The following COL25A1 variants were observed in gnomAD, a reference collection of about 807,000 sequenced individuals.
The protein encoded by COL25A1 is collagen type XXV alpha 1 chain, also known as collagen alpha-1(XXV) chain.
Under a neutral mutation model 128.4 loss-of-function variants are expected in COL25A1, and 103 were observed. That is an observed-to-expected ratio of 0.80 (90% CI 0.68 to 0.94). The LOEUF (loss-of-function observed/expected upper bound fraction) is 0.94. Ranked by LOEUF, COL25A1 falls within the 40% of genes least tolerant of loss-of-function variation. COL25A1 has a pLI of 0.00. For synonymous variants in COL25A1, 279 were observed against 277.2 expected, an observed-to-expected ratio of 1.01 and a Z score of -0.06; for missense variants, 745 against 840.0, an observed-to-expected ratio of 0.89 and a Z score of 1.40.
At chr4:109,212,482 T>A (rs1208181701) in intron 3 of COL25A1, among the ~76,000 whole-genome samples, 1 of 152,176 alleles carries the variant, frequency 6.6e-6, no homozygotes, top group Admixed American at 6.6e-5. Context: ...TGAATGCCTT[T>A]ATAGAAGTTA....
intron 5 of COL25A1, chr4:109,021,710 T>C (rs1297615774): frequency 8.8e-6 from 4 of 453,104 alleles, no homozygotes; most frequent in Non-Finnish European, 1.8e-5. Flanking sequence ...AGAAGAGATA[T>C]CACCAAATTC....
At chr4:109,230,524 T>G (rs1779096712) in intron 3 of COL25A1, among the ~76,000 whole-genome samples, 1 of 152,218 alleles carries the variant, frequency 6.6e-6, no homozygotes, top group African/African-American at 2.4e-5. Flanking sequence ...GTCACATGTG[T>G]TTAGCACTCT....
intron 16 of COL25A1, among the ~76,000 whole-genome samples, chr4:108,894,902 G>A (rs531272420): frequency 2.0e-5 from 3 of 152,170 alleles, no homozygotes; most frequent in Non-Finnish European, 4.4e-5. Flanking sequence ...ACTCAACTGT[G>A]GGTGGCTTTG....
At chr4:108,889,121 G>A (rs1361964187) in intron 18 of COL25A1, 100 bp downstream of exon 18, 21 of 1,098,700 alleles carry the variant, frequency 1.9e-5, no homozygotes, top group Admixed American at 1.6e-4. Flanking sequence ...CATGAAAACC[G>A]CATCATTTTG....
Position 108,933,684 on chromosome 4 carries a change from T to C in COL25A1, c.708+4124A>G, listed in dbSNP as rs76384240. Among the ~76,000 whole-genome samples, 996 of 152,314 alleles carry C rather than the reference T, an allele frequency of 6.5e-3. 73 individuals carry two copies. The East Asian group carries it at 0.14, about 22-fold the overall frequency. ...CCTTTGTGGTTCATAAAACATTTCA[T>C]ATTATCATTTCACTTGCTTCTCACC... On this transcript the variant is annotated intron_variant, in intron 11 of 37. Coordinates refer to ENST00000399132, the MANE Select transcript of COL25A1 (RefSeq NM_198721.4).
intron 3 of COL25A1, among the ~76,000 whole-genome samples, chr4:109,255,197 A>G (rs1185792162): frequency 6.6e-6 from 1 of 152,256 alleles, no homozygotes; most frequent in Non-Finnish European, 1.5e-5. Flanking sequence ...TTTATCAAAA[A>G]TTCTGAACTT....
intron 35 of COL25A1, among the ~76,000 whole-genome samples, chr4:108,822,552 G>T (rs1188749907): frequency 6.6e-6 from 1 of 151,994 alleles, no homozygotes; most frequent in African/African-American, 2.4e-5. Context: ...GAGTAGCTGG[G>T]ACTACAGGTA....
intron 3 of COL25A1, among the ~76,000 whole-genome samples, chr4:109,139,920 G>A (rs189812631): frequency 0.057 from 8,647 of 150,612 alleles, 404 homozygotes; most frequent in African/African-American, 0.13. Flanking sequence ...GAGAACATAT[G>A]GTGTTTGGTT....
At chr4:108,815,362 T>C (rs1297097551) in intron 37 of COL25A1, among the ~76,000 whole-genome samples, 1 of 128,756 alleles carries the variant, frequency 7.8e-6, no homozygotes, top group Non-Finnish European at 1.8e-5. Context: ...CTGACTTTAT[T>C]TTAAAAATAT....
chr4:109,213,159 A>G (rs1053362313), intron 3 of COL25A1, among the ~76,000 whole-genome samples: 1 of 152,176 alleles, frequency 6.6e-6, no homozygotes, highest in African/African-American at 2.4e-5. Context: ...AAATCATGGT[A>G]TCTATTGACT....
At chr4:108,819,467 G>T in intron 35 of COL25A1, 138 bp from the exon 36 acceptor site, 1 of 660,280 alleles carries the variant, frequency 1.5e-6, no homozygotes, top group Non-Finnish European at 2.5e-6. Flanking sequence ...AGTGAAGTTG[G>T]GCAAAGTAAA....
In COL25A1 at chr4:109,168,789, C is replaced by T. The variant is rs994690886; in HGVS notation, c.368-118610G>A. On this transcript the variant is annotated intron_variant, in intron 3 of 37. Coordinates refer to ENST00000399132, the MANE Select transcript of COL25A1 (RefSeq NM_198721.4). ...AGAAAGTATTATAGGCATCTAAATC[C>T]TAAGACTTATCCTAGAGAGAATAAA... 2.4e-4 allele frequency among the ~76,000 whole-genome samples: 36 copies of T among 152,146 alleles called. 1 individual carries two copies.
chr4:108,908,447 C>T (rs1317229873), intron 13 of COL25A1, among the ~76,000 whole-genome samples: 1 of 152,152 alleles, frequency 6.6e-6, no homozygotes, highest in African/African-American at 2.4e-5. Context: ...ATCCCCAATC[C>T]CTGATTCTTT....
intron 13 of COL25A1, among the ~76,000 whole-genome samples, chr4:108,901,558 TA>T (rs1248685965): frequency 6.6e-6 from 1 of 152,068 alleles, no homozygotes; most frequent in Non-Finnish European, 1.5e-5. Flanking sequence ...AAAGAAAGAA[TA>T]AATCATTCTG....
chr4:109,251,717 G>C (rs1780660335), intron 3 of COL25A1, among the ~76,000 whole-genome samples: 1 of 152,200 alleles, frequency 6.6e-6, no homozygotes, highest in South Asian at 2.1e-4. Context: ...CAGAGCATAA[G>C]GTCATGGGAA....
intron 3 of COL25A1, among the ~76,000 whole-genome samples, chr4:109,093,474 A>AC (rs1765130594): frequency 6.6e-6 from 1 of 151,520 alleles, no homozygotes; most frequent in Non-Finnish European, 1.5e-5. Flanking sequence ...AAAAAAAAAA[A>AC]AACCTTTTTT....
intron 6 of COL25A1, among the ~76,000 whole-genome samples, chr4:108,996,060 C>T (rs758634292): frequency 1.3e-5 from 2 of 152,122 alleles, no homozygotes; most frequent in Non-Finnish European, 2.9e-5. Flanking sequence ...ACTGCATCAA[C>T]TAACGGGCAA....
In COL25A1 at chr4:108,848,764, C is replaced by G. The variant is rs772364962; in HGVS notation, c.1429G>C (p.Glu477Gln). Residue 477 changes from glutamate to glutamine, a missense_variant, in exon 27 of 38, where the codon GAG (glutamate) becomes CAG (glutamine). Coordinates refer to ENST00000399132, the MANE Select transcript of COL25A1 (RefSeq NM_198721.4). ...TATACATCTTTGAAAATTACCTGCT[C>G]TCCATCCATTCCTGGGATTCCTGGA... ...GSPGIPGMDG[E>Q]QGLKGSKGDM... 16 of 1,597,362 alleles carry G rather than the reference C, an allele frequency of 1.0e-5. No homozygotes were observed. The highest frequency in any genetic ancestry group is 3.4e-6 in the Non-Finnish European group (4 of 1,165,142).
chr4:109,125,767 T>C (rs1768539026), intron 3 of COL25A1, among the ~76,000 whole-genome samples: 1 of 152,050 alleles, frequency 6.6e-6, no homozygotes, highest in South Asian at 2.1e-4. Context: ...GAGGTAACAG[T>C]TGCCCCACAC....
Sources: allele counts gnomAD v4.1 joint callset (sites outside exome capture counted in the v4.1 genomes callset), GRCh38; gene constraint gnomAD v4.1.1; transcripts MANE v1.5; gene names NCBI Gene and HGNC (gene_info 2026-07-23, HGNC 2026-07-21).